COMMD6: variants seen among roughly 807,000 people sequenced by gnomAD.
The protein encoded by COMMD6 is COMM domain-containing protein 6.
In COMMD6, 11 loss-of-function variants were observed where a neutral mutation model predicts 13.4. That is an observed-to-expected ratio of 0.82 (90% CI 0.52 to 1.36). COMMD6 has a LOEUF of 1.36. Ranked by LOEUF, COMMD6 falls within the 40% of genes most tolerant of loss-of-function variation. COMMD6 has a pLI of 0.00. For missense variants in COMMD6, 124 were observed against 102.4 expected (o/e 1.21, Z -0.91); for synonymous variants, 43 against 36.5 (o/e 1.18, Z -0.64).
upstream of COMMD6, among the ~76,000 whole-genome samples, chr13:75,539,819 G>A (rs1444913315): frequency 6.6e-6 from 1 of 152,118 alleles, no homozygotes; most frequent in Non-Finnish European, 1.5e-5. Context: ...CTGACTCAAG[G>A]TTATTGGACG....
chr13:75,529,183 AG>A (rs1198182823), intron 3 of COMMD6, among the ~76,000 whole-genome samples: 1 of 152,210 alleles, frequency 6.6e-6, no homozygotes, highest in Non-Finnish European at 1.5e-5. Flanking sequence ...AAAACTGTAC[AG>A]GACAGTTAAA....
chr13:75,548,024 G>C (rs2030937575), intron 1 of COMMD6, among the ~76,000 whole-genome samples: 1 of 152,226 alleles, frequency 6.6e-6, no homozygotes. Context: ...TGTCTCAGCA[G>C]ATCCAATGCT....
chr13:75,540,689 T>G (rs577032858), upstream of COMMD6, among the ~76,000 whole-genome samples: 7 of 152,342 alleles, frequency 4.6e-5, no homozygotes, highest in Admixed American at 1.3e-4. Context: ...ATGTTATCAA[T>G]AGAGTCAAAA....
At chr13:75,549,053 C>T (rs2030970227) in intron 1 of COMMD6, among the ~76,000 whole-genome samples, 1 of 152,210 alleles carries the variant, frequency 6.6e-6, no homozygotes, top group South Asian at 2.1e-4. Context: ...CTTCTGGACA[C>T]TCTCTTCCCC....
chr13:75,538,528 G>A (rs2030761340), upstream of COMMD6, among the ~76,000 whole-genome samples: 1 of 151,962 alleles, frequency 6.6e-6, no homozygotes. Context: ...CCAACTGTTC[G>A]CATTGTACAT....
chr13:75,546,551 T>C (rs2030907153), intron 1 of COMMD6, among the ~76,000 whole-genome samples: 1 of 151,736 alleles, frequency 6.6e-6, no homozygotes, highest in South Asian at 2.1e-4. Context: ...TAGAAGCTAT[T>C]AAATTTCCAA....
upstream of COMMD6, among the ~76,000 whole-genome samples, chr13:75,538,517 A>G (rs2030761047): frequency 1.3e-5 from 2 of 152,192 alleles, no homozygotes; most frequent in African/African-American, 4.8e-5. Context: ...ATCTAGATTC[A>G]CCAACTGTTC....
At chr13:75,537,616 G>A (rs779921737) in intron 2 of COMMD6, 48 bp downstream of exon 2, 16 of 1,613,126 alleles carry the variant, frequency 9.9e-6, no homozygotes, top group Admixed American at 1.7e-5. Flanking sequence ...CCTCGCGGCC[G>A]TGGGAGGCAG....
upstream of COMMD6, among the ~76,000 whole-genome samples, chr13:75,538,556 T>A (rs1338924437): frequency 6.6e-6 from 1 of 152,246 alleles, no homozygotes; most frequent in African/African-American, 2.4e-5. Flanking sequence ...TTATCTCGGC[T>A]TGTATTAAGG....
chr13:75,529,378 A>G (rs1236596761), intron 3 of COMMD6, among the ~76,000 whole-genome samples: 3 of 152,152 alleles, frequency 2.0e-5, no homozygotes, highest in Non-Finnish European at 4.4e-5. Context: ...TAAATTAGCC[A>G]GGCATGGTGG....
At chr13:75,546,802 T>A (rs571746563) in intron 1 of COMMD6, among the ~76,000 whole-genome samples, 2 of 152,358 alleles carry the variant, frequency 1.3e-5, no homozygotes, top group Admixed American at 1.3e-4. Context: ...GTGATGATAT[T>A]GTGCATACTC....
chr13:75,541,263 A>C (rs944457779), upstream of COMMD6, among the ~76,000 whole-genome samples: 2 of 152,194 alleles, frequency 1.3e-5, no homozygotes, highest in African/African-American at 4.8e-5. Context: ...TTATTGTCTC[A>C]CAGAGGCAGC....
In COMMD6 at chr13:75,526,719, C is replaced by T. The variant is rs554841781; in HGVS notation, c.208-80G>A. 132 of 933,642 alleles carry T rather than the reference C, an allele frequency of 1.4e-4. No homozygotes were observed. In the African/African-American group the frequency reaches 1.5e-3, roughly 11 times the overall value. The allele number at this position is 933,642 out of a possible 1,614,324, so 57.8% of individuals were successfully genotyped here. A position where few individuals can be genotyped will look rare whatever the true frequency, so the allele number is the denominator to read the frequency against. The stretch of plus-strand genomic sequence containing the variant: ...AGTTATTTTAATTATATCTGACTAC[C>T]GGAGACTATATAACATATTAAGTTT... On this transcript the variant is annotated intron_variant, in intron 3 of 3. Transcript: ENST00000682242.
Position 75,537,514 on chromosome 13 carries a change from A to G in COMMD6, c.54+150T>C, listed in dbSNP as rs1450829803. 4 of 1,568,210 alleles carry G rather than the reference A, an allele frequency of 2.6e-6. No homozygotes were observed. The African/African-American group carries it at 4.1e-5, about 16-fold the overall frequency. ...CAACGGCTACCGGCTCAGGTGCAAAAGAGAAGGAGCAATGCAAGAGGGACG... is the reference window on the plus strand; with the variant it reads ...CAACGGCTACCGGCTCAGGTGCAAAGGAGAAGGAGCAATGCAAGAGGGACG... On this transcript the variant is annotated intron_variant, in intron 2 of 3. Transcript: ENST00000682242.
At position 75,525,887 on chromosome 13, in the gene COMMD6, G is replaced by T. The variant is rs932571645; in HGVS notation, c.*702C>A. On this transcript the variant is annotated 3_prime_UTR_variant, in exon 4 of 4. Coordinates refer to ENST00000682242, the MANE Select transcript of COMMD6 (RefSeq NM_203495.4). ...ATAGTATAAAAGCGTTTAACAACAG[G>T]TTTATGTATTTAAATTCAACAGAGA... 6.6e-6 allele frequency: 1 copy of T among 152,182 alleles called. No homozygotes were observed. Among genetic ancestry groups the T allele is most frequent in the Non-Finnish European group, 1.5e-5 (1 of 68,028 alleles). The allele number at this position is 152,182 out of a possible 1,614,324, so 9.4% of individuals were successfully genotyped here. A position where few individuals can be genotyped will look rare whatever the true frequency, so the allele number is the denominator to read the frequency against.
chr13:75,538,389 C>G (rs2138426282), upstream of COMMD6, among the ~76,000 whole-genome samples: 1 of 152,362 alleles, frequency 6.6e-6, no homozygotes. Context: ...GACCTCAAAT[C>G]CATCCTACAG....
chr13:75,528,417 C>G (rs1260687975), intron 3 of COMMD6, among the ~76,000 whole-genome samples: 3 of 152,088 alleles, frequency 2.0e-5, no homozygotes, highest in Non-Finnish European at 2.9e-5. Flanking sequence ...CATTTATTTC[C>G]TTTTCACTAA....
At chr13:75,527,863 TG>T in intron 3 of COMMD6, 1 of 1,499,770 alleles carries the variant, frequency 6.7e-7, no homozygotes, top group Admixed American at 2.1e-5. Context: ...TGGGGGTCAA[TG>T]GGGAAATGTT....
chr13:75,539,472 TCACGTAATCCACC>T (rs1276224263), upstream of COMMD6, among the ~76,000 whole-genome samples: 1 of 152,130 alleles, frequency 6.6e-6, no homozygotes, highest in Non-Finnish European at 1.5e-5. Flanking sequence ...ACTCCTGTCC[TCACGTAATCCACC>T]CACCTCGGGC....
Sources: allele counts gnomAD v4.1 joint callset (sites outside exome capture counted in the v4.1 genomes callset), GRCh38; gene constraint gnomAD v4.1.1; transcripts MANE v1.5; gene names NCBI Gene and HGNC (gene_info 2026-07-23, HGNC 2026-07-21).